MSRA: variants seen among roughly 807,000 people sequenced by gnomAD.
MSRA encodes methionine sulfoxide reductase A.
In MSRA, 54 loss-of-function variants were observed where a neutral mutation model predicts 31.3. The ratio of observed to expected loss-of-function variants is 1.73; its 90% CI spans 1.39 to 2.17. The LOEUF is 2.17. Among genes scored for constraint, MSRA ranks in the 30% most tolerant of loss-of-function variants. The pLI is 0.00. For missense variants in MSRA, 507 were observed against 300.9 expected, an observed-to-expected ratio of 1.69 and a Z score of -5.07; for synonymous variants, 169 against 116.5, an observed-to-expected ratio of 1.45 and a Z score of -2.90.
Position 10,199,559 on chromosome 8 carries a change from C to G in MSRA, c.143-8274C>G, listed in dbSNP as rs371398277. On this transcript the variant is annotated intron_variant, in intron 1 of 5. Transcript: ENST00000317173. ...GGCGTCGCTCTCTTGACCTCGTGAT[C>G]TGCCCGCCAGTTTTTTTTTAATGAA... Among the ~76,000 whole-genome samples, 140 of 152,072 alleles carry G rather than the reference C, an allele frequency of 9.2e-4. 1 individual carries two copies. The highest frequency in any genetic ancestry group is 3.2e-3 in the African/African-American group (133 of 41,456).
rs151303438 is a variant in MSRA at position 10,325,211 on chromosome 8, G to C, written c.543+5222G>C. Among the ~76,000 whole-genome samples, 29 of 152,278 alleles carry C rather than the reference G, an allele frequency of 1.9e-4. No individual in the cohort carries two copies. In the East Asian group the frequency reaches 5.4e-3, roughly 28 times the overall value. On this transcript the variant is annotated intron_variant, in intron 5 of 5. Coordinates refer to ENST00000317173, the MANE Select transcript of MSRA (RefSeq NM_012331.5). ...ATTTGCCACGATGGAGTGACTTTCT[G>C]GCACCTCTGATAGAGGTGAGAAAGA... is the stretch of plus-strand genomic sequence containing the variant.
intron 5 of MSRA, among the ~76,000 whole-genome samples, chr8:10,346,849 A>G (rs912420521): frequency 2.0e-5 from 3 of 152,156 alleles, no homozygotes; most frequent in African/African-American, 4.8e-5. Context: ...GGCTTCCTGA[A>G]CTGGTGACTC....
intron 1 of MSRA, among the ~76,000 whole-genome samples, chr8:10,182,121 G>GGACT (rs1452549337): frequency 2.6e-5 from 4 of 152,108 alleles, no homozygotes; most frequent in Admixed American, 2.6e-4. Context: ...ACTAGACAGG[G>GGACT]AGGTGATTGA....
At chr8:10,285,681 C>T (rs897578505) in intron 3 of MSRA, among the ~76,000 whole-genome samples, 1 of 151,844 alleles carries the variant, frequency 6.6e-6, no homozygotes, top group African/African-American at 2.4e-5. Flanking sequence ...GGTAACCACT[C>T]TACTCTCTAC....
At chr8:10,176,194 T>G (rs1806034826) in intron 1 of MSRA, among the ~76,000 whole-genome samples, 1 of 152,158 alleles carries the variant, frequency 6.6e-6, no homozygotes, top group South Asian at 2.1e-4. Context: ...AAATGTCACA[T>G]TATGGTTTTA....
At chr8:10,144,301 C>G (rs535459956) in intron 1 of MSRA, among the ~76,000 whole-genome samples, 2 of 152,268 alleles carry the variant, frequency 1.3e-5, no homozygotes, top group South Asian at 4.1e-4. Context: ...GCCAGTCTGC[C>G]TGGGTTCAGT....
In MSRA at chr8:10,195,177, G is replaced by T. The variant is rs141784038; in HGVS notation, c.143-12656G>T. ...TTGTGATGACTGTCTTTGTCCGTGAGCAAAGCCTGTGCTATGGAAGCTCAA... is the reference window on the plus strand; with the variant it reads ...TTGTGATGACTGTCTTTGTCCGTGATCAAAGCCTGTGCTATGGAAGCTCAA... On this transcript the variant is annotated intron_variant, in intron 1 of 5. Coordinates refer to ENST00000317173, the MANE Select transcript of MSRA (RefSeq NM_012331.5). Among the ~76,000 whole-genome samples the T allele has an allele frequency of 8.6e-3, 1,304 of 152,314 alleles. 34 individuals carry two copies. In the South Asian group the frequency reaches 0.095, roughly 11 times the overall value.
At chr8:10,254,346 C>A (rs1416374398) in intron 3 of MSRA, among the ~76,000 whole-genome samples, 1 of 152,174 alleles carries the variant, frequency 6.6e-6, no homozygotes, top group South Asian at 2.1e-4. Flanking sequence ...CCTCTCTTCT[C>A]TTTTGCTTCT....
intron 1 of MSRA, among the ~76,000 whole-genome samples, chr8:10,201,244 T>A (rs1808470883): frequency 6.6e-6 from 1 of 152,064 alleles, no homozygotes; most frequent in Non-Finnish European, 1.5e-5. Flanking sequence ...ACTTGATACG[T>A]CAGTCCAGAT....
At chr8:10,156,196 G>C (rs1804140586) in intron 1 of MSRA, among the ~76,000 whole-genome samples, 1 of 152,218 alleles carries the variant, frequency 6.6e-6, no homozygotes, top group Non-Finnish European at 1.5e-5. Flanking sequence ...ATGAAACTTG[G>C]TCGGATTCCA....
intron 3 of MSRA, among the ~76,000 whole-genome samples, chr8:10,275,054 A>G (rs961084754): frequency 1.3e-5 from 2 of 149,452 alleles, no homozygotes; most frequent in African/African-American, 5.1e-5. Context: ...ATGACGTGCA[A>G]ATGCATTATT....
At chr8:10,210,608 G>C (rs1369848336) in intron 2 of MSRA, among the ~76,000 whole-genome samples, 1 of 152,144 alleles carries the variant, frequency 6.6e-6, no homozygotes, top group Non-Finnish European at 1.5e-5. Flanking sequence ...ATGCACAGGA[G>C]GATGTCTTAC....
chr8:10,300,133 T>TGTGTGC (rs1484467689), intron 3 of MSRA, among the ~76,000 whole-genome samples: 3 of 151,202 alleles, frequency 2.0e-5, no homozygotes, highest in African/African-American at 7.3e-5. Flanking sequence ...TTTGTGTGTG[T>TGTGTGC]GTGTGTGTGT....
At chr8:10,410,324 T>A (rs1371609471) in intron 5 of MSRA, among the ~76,000 whole-genome samples, 1 of 152,134 alleles carries the variant, frequency 6.6e-6, no homozygotes, top group African/African-American at 2.4e-5. Flanking sequence ...GTCACTTGTT[T>A]GGGGGGTGCC....
intron 2 of MSRA, among the ~76,000 whole-genome samples, chr8:10,235,181 T>A (rs1811843408): frequency 6.6e-6 from 1 of 152,086 alleles, no homozygotes; most frequent in Non-Finnish European, 1.5e-5. Flanking sequence ...GGTGACAAAA[T>A]AAGTCTGAAC....
At chr8:10,172,783 C>T (rs1805708254) in intron 1 of MSRA, among the ~76,000 whole-genome samples, 1 of 152,156 alleles carries the variant, frequency 6.6e-6, no homozygotes, top group Admixed American at 6.5e-5. Flanking sequence ...CTGTAGCTCA[C>T]CCCTTCGCTT....
intron 1 of MSRA, among the ~76,000 whole-genome samples, chr8:10,166,575 GTGTT>G (rs1301742061): frequency 6.6e-6 from 1 of 152,132 alleles, no homozygotes; most frequent in Non-Finnish European, 1.5e-5. Flanking sequence ...GTATGCATGT[GTGTT>G]TGTGTGTTGG....
intron 5 of MSRA, among the ~76,000 whole-genome samples, chr8:10,368,201 A>G (rs1349870888): frequency 1.3e-5 from 2 of 152,218 alleles, no homozygotes; most frequent in Non-Finnish European, 2.9e-5. Context: ...AATTTGGTTC[A>G]TTCCATACTG....
chr8:10,393,780 G>C (rs977336395), intron 5 of MSRA, among the ~76,000 whole-genome samples: 2 of 152,232 alleles, frequency 1.3e-5, no homozygotes, highest in African/African-American at 4.8e-5. Flanking sequence ...ATGGCTAATA[G>C]GTGAGCATGC....
Sources: allele counts gnomAD v4.1 joint callset (sites outside exome capture counted in the v4.1 genomes callset), GRCh38; gene constraint gnomAD v4.1.1; transcripts MANE v1.5; gene names NCBI Gene and HGNC (gene_info 2026-07-23, HGNC 2026-07-21).